Variants in VTCN1 observed in about 807,000 individuals in gnomAD.
VTCN1 encodes V-set domain containing T cell activation inhibitor 1, also known as V-set domain-containing T-cell activation inhibitor 1.
VTCN1 carries 26 observed loss-of-function variants against 26.5 expected under a neutral mutation model. The observed-to-expected ratio is 0.98, with a 90% CI of 0.72 to 1.36. VTCN1 has a LOEUF of 1.36. Ranked by LOEUF, VTCN1 falls within the 40% of genes most tolerant of loss-of-function variation. VTCN1 has a pLI of 0.00. For synonymous variants in VTCN1, 116 were observed against 130.7 expected (o/e 0.89, Z 0.77); for missense variants, 298 against 337.7 (o/e 0.88, Z 0.92).
Position 117,156,795 on chromosome 1 carries a change from C to A in VTCN1, c.224G>T (p.Gly75Val), listed in dbSNP as rs780859569. 9.3e-6 allele frequency: 15 copies of A among 1,614,116 alleles called. No homozygotes were observed. Among genetic ancestry groups the A allele is most frequent in the Non-Finnish European group, 1.3e-5 (15 of 1,180,026 alleles). Reference protein sequence around the residue: ...SDIVIQWLKEGVLGLVHEFKE... With the variant: ...SDIVIQWLKEVVLGLVHEFKE... ...GAACTCATGGACCAAGCCTAAAACA[C>A]CTTCCTTCAGCCATTGTATCACGAT... The change falls in exon 3 of 6, where the codon GGT becomes GTT. Residue 75 changes from glycine (G) to valine (V), a missense_variant. Transcript: ENST00000369458.
Position 117,161,477 on chromosome 1 carries a change from C to A in VTCN1, c.98-4556G>T, listed in dbSNP as rs1315756840. Among the ~76,000 whole-genome samples the A allele has an allele frequency of 6.6e-6, 1 of 152,178 alleles. No homozygotes were observed. The highest frequency in any genetic ancestry group is 2.4e-5 in the African/African-American group (1 of 41,442). Reference sequence around the variant, plus strand: ...TTTGTCTTTTTGGCCTTTATTATAGCAGCTGTCTCCCTCTACCTGGTCTCT... The same window carrying A: ...TTTGTCTTTTTGGCCTTTATTATAGAAGCTGTCTCCCTCTACCTGGTCTCT... On this transcript the variant is annotated intron_variant, in intron 2 of 5. Transcript: ENST00000369458. This position sits in a 1 kb window ranked among gnomAD's most constrained non-coding sequence, Gnocchi z 4.3.
chr1:117,188,043 G>C (rs896756155), intron 1 of VTCN1, among the ~76,000 whole-genome samples: 3 of 152,074 alleles, frequency 2.0e-5, no homozygotes, highest in Non-Finnish European at 2.9e-5. Context: ...TTTCTTCGGG[G>C]ATTTTTTTTT....
intron 1 of VTCN1, chr1:117,203,587 CACAGAGA>C: frequency 1.0e-6 from 1 of 984,980 alleles, no homozygotes; most frequent in Non-Finnish European, 1.2e-6. Context: ...GAAAAGCGCA[CACAGAGA>C]GAAATGTAGC....
chr1:117,151,876 T>C (rs1322981589), intron 4 of VTCN1, among the ~76,000 whole-genome samples: 1 of 152,204 alleles, frequency 6.6e-6, no homozygotes, highest in African/African-American at 2.4e-5. Context: ...GTTTTTGCCT[T>C]ATTTTGTTTT....
At chr1:117,165,725 ACTT>A (rs1652575607) in intron 2 of VTCN1, among the ~76,000 whole-genome samples, 1 of 152,138 alleles carries the variant, frequency 6.6e-6, no homozygotes, top group Non-Finnish European at 1.5e-5. Flanking sequence ...AGCCAATTAA[ACTT>A]CTTTTCTTTA....
intron 1 of VTCN1, among the ~76,000 whole-genome samples, chr1:117,190,591 C>T (rs1648196074): frequency 6.6e-6 from 1 of 152,174 alleles, no homozygotes; most frequent in African/African-American, 2.4e-5. Flanking sequence ...AGTATCAGCC[C>T]TACTGACCAA....
chr1:117,154,819 A>G (rs1318919674), intron 3 of VTCN1, among the ~76,000 whole-genome samples: 3 of 151,874 alleles, frequency 2.0e-5, no homozygotes, highest in African/African-American at 7.2e-5. Flanking sequence ...AAAAGAAAAA[A>G]AAGAAAAAAC....
chr1:117,187,741 A>G (rs928168741), intron 1 of VTCN1, among the ~76,000 whole-genome samples: 11 of 152,182 alleles, frequency 7.2e-5, no homozygotes, highest in African/African-American at 2.4e-4. Context: ...TAAAGTTTCA[A>G]CTGAGGTTCC....
intron 1 of VTCN1, among the ~76,000 whole-genome samples, chr1:117,190,728 A>G (rs1648204046): frequency 6.6e-6 from 1 of 152,182 alleles, no homozygotes; most frequent in African/African-American, 2.4e-5. Context: ...CTTAACTACA[A>G]TCCTGGAGGC....
chr1:117,166,504 C>T (rs779879844), intron 2 of VTCN1, among the ~76,000 whole-genome samples: 3 of 151,886 alleles, frequency 2.0e-5, no homozygotes, highest in Non-Finnish European at 4.4e-5. Flanking sequence ...CCTGTAATCC[C>T]AGCACTTTGG....
At position 117,151,922 on chromosome 1, in the gene VTCN1, T is replaced by C. The variant is rs188529185; in HGVS notation, c.724+1169A>G. ...ACCCTAATGGGCATTAGGTGATATCTCATTGTGGTTTTGACTTGCATTTCT... is the reference window on the plus strand; with the variant it reads ...ACCCTAATGGGCATTAGGTGATATCCCATTGTGGTTTTGACTTGCATTTCT... On this transcript the variant is annotated intron_variant, in intron 4 of 5. Transcript: ENST00000369458. Among the ~76,000 whole-genome samples the C allele has an allele frequency of 1.5e-3, 230 of 152,340 alleles. 1 individual carries two copies. The highest frequency in any genetic ancestry group is 5.1e-3 in the African/African-American group (211 of 41,576).
chr1:117,178,500 C>T (rs572974543), intron 1 of VTCN1, among the ~76,000 whole-genome samples: 68 of 151,550 alleles, frequency 4.5e-4, no homozygotes, highest in African/African-American at 1.5e-3. Context: ...TCAAGTGATC[C>T]GCCCACCTCG....
chr1:117,174,857 C>T (rs1243144081), intron 1 of VTCN1, among the ~76,000 whole-genome samples: 4 of 152,212 alleles, frequency 2.6e-5, no homozygotes, highest in African/African-American at 7.2e-5. Flanking sequence ...GTTACACACT[C>T]TCTGTCCAAG....
intron 2 of VTCN1, among the ~76,000 whole-genome samples, chr1:117,160,277 G>C (rs183383982): frequency 2.2e-4 from 33 of 152,256 alleles, no homozygotes; most frequent in Admixed American, 1.8e-3. Context: ...AACAACACCT[G>C]ATATTAAAGT....
rs1032738283 is a variant in VTCN1, at chr1:117,145,193, T to A, written c.*78A>T. 6.6e-6 allele frequency: 1 copy of A among 152,190 alleles called. No homozygotes were observed. Among genetic ancestry groups the A allele is most frequent in the African/African-American group, 2.4e-5 (1 of 41,438 alleles). 9.4% of individuals were successfully genotyped at this position (152,190 alleles called of 1,614,324 possible). A position where few individuals can be genotyped will look rare whatever the true frequency, so the allele number is the denominator to read the frequency against. The stretch of plus-strand genomic sequence containing the variant: ...TTCCTCCCAGAAATATAAAACTAGG[T>A]CATATCTGGTGGTGAAATAGTTCTG... On this transcript the variant is annotated 3_prime_UTR_variant, in exon 6 of 6. Coordinates refer to ENST00000369458, the MANE Select transcript of VTCN1 (RefSeq NM_024626.4). This position sits in a 1 kb window ranked among gnomAD's most constrained non-coding sequence, Gnocchi z 4.6.
chr1:117,205,487 A>G (rs1221637232), intron 1 of VTCN1, among the ~76,000 whole-genome samples: 1 of 152,070 alleles, frequency 6.6e-6, no homozygotes, highest in Non-Finnish European at 1.5e-5. Context: ...ACTGAGTTTC[A>G]GTAACTCCTT....
intron 1 of VTCN1, among the ~76,000 whole-genome samples, 196 bp downstream of exon 1, chr1:117,210,628 C>T (rs956168185): frequency 6.6e-6 from 1 of 152,238 alleles, no homozygotes; most frequent in Non-Finnish European, 1.5e-5. Context: ...TGAACAGGTG[C>T]CTTGAGCAGC....
chr1:117,198,906 T>C (rs1036376906), intron 1 of VTCN1, among the ~76,000 whole-genome samples: 1 of 152,146 alleles, frequency 6.6e-6, no homozygotes, highest in African/African-American at 2.4e-5. Context: ...AGCACTGCTG[T>C]AGAAGGGGAA....
intron 1 of VTCN1, among the ~76,000 whole-genome samples, chr1:117,208,119 A>C (rs921455822): frequency 2.6e-5 from 4 of 152,124 alleles, no homozygotes. Flanking sequence ...CCCAGTTCTG[A>C]GTCTATCGAA....
Sources: allele counts gnomAD v4.1 joint callset (sites outside exome capture counted in the v4.1 genomes callset), GRCh38; gene constraint gnomAD v4.1.1; non-coding constraint Gnocchi (gnomAD v3.1); transcripts MANE v1.5; gene names NCBI Gene and HGNC (gene_info 2026-07-23, HGNC 2026-07-21).